TLE1: variants seen among roughly 807,000 people sequenced by gnomAD.
TLE1 encodes the protein transducin-like enhancer protein 1.
TLE1 carries 21 observed loss-of-function variants against 89.8 expected under a neutral mutation model. The observed-to-expected ratio is 0.23, with a 90% confidence interval of 0.17 to 0.34. The LOEUF (loss-of-function observed/expected upper bound fraction) is 0.34, where lower values mean the gene tolerates loss of function less well. Ranked by LOEUF, TLE1 falls within the 10% of genes least tolerant of loss-of-function variation. The pLI is 1.00. For missense variants in TLE1, 795 were observed against 1,031.2 expected (o/e 0.77, Z 3.14); for synonymous variants, 447 against 407.6 (o/e 1.10, Z -1.16).
In TLE1 at chr9:81,583,699, C is replaced by T. The variant is rs997747819; in HGVS notation, c.*499G>A. On this transcript the variant is annotated 3_prime_UTR_variant, in exon 20 of 20. Coordinates refer to ENST00000376499, the MANE Select transcript of TLE1 (RefSeq NM_005077.5). Reference sequence around the variant, plus strand: ...GAAAACCACTTATTGGTACTAAAGCCTTTACTGTAATAAACCAAATATATT... The same window carrying T: ...GAAAACCACTTATTGGTACTAAAGCTTTTACTGTAATAAACCAAATATATT... 1.3e-5 allele frequency: 2 copies of T among 154,994 alleles called. No individual in the cohort carries two copies. Among genetic ancestry groups the T allele is most frequent in the Non-Finnish European group, 2.9e-5 (2 of 69,422 alleles). The allele number at this position is 154,994 out of a possible 1,614,324, so 9.6% of individuals were successfully genotyped here.
intron 4 of TLE1, among the ~76,000 whole-genome samples, chr9:81,661,184 ATTTTTATATATATATGTATT>A (rs1240205330): frequency 1.9e-5 from 2 of 106,808 alleles, no homozygotes; most frequent in Non-Finnish European, 3.6e-5. Flanking sequence ...ATATATATGT[ATTTTTATATATATATGTATT>A]TTTATATATA....
At chr9:81,661,189 T>A (rs1830746643) in intron 4 of TLE1, among the ~76,000 whole-genome samples, 1 of 81,316 alleles carries the variant, frequency 1.2e-5, no homozygotes, top group South Asian at 4.9e-4. Context: ...TATGTATTTT[T>A]ATATATATAT....
At chr9:81,673,768 A>G (rs1384459459) in intron 4 of TLE1, among the ~76,000 whole-genome samples, 1 of 152,164 alleles carries the variant, frequency 6.6e-6, no homozygotes. Flanking sequence ...GATGGGGGCT[A>G]TGACAACTCT....
chr9:81,613,303 CAACATTA>C (rs1163356036), intron 12 of TLE1, 67 bp downstream of exon 12: 13 of 1,572,086 alleles, frequency 8.3e-6, no homozygotes, highest in Non-Finnish European at 1.0e-5. Context: ...AATTGCGTCA[CAACATTA>C]ACAGACAACA....
chr9:81,651,290 G>A, intron 6 of TLE1, among the ~76,000 whole-genome samples: 1 of 152,122 alleles, frequency 6.6e-6, no homozygotes, highest in East Asian at 1.9e-4. Flanking sequence ...TCCTTCTTTG[G>A]CTTAGTGTGG....
rs1038570209 is a variant in TLE1, at chr9:81,622,144, C to A, written c.595-1587G>T. Among the ~76,000 whole-genome samples the A allele has an allele frequency of 9.2e-5, 14 of 152,342 alleles. No homozygotes were observed. In the East Asian group the frequency reaches 2.7e-3, roughly 29 times the overall value. On this transcript the variant is annotated intron_variant, in intron 8 of 19. Transcript: ENST00000376499. Reference sequence around the variant, plus strand: ...AAGTGCTAACACGCCCTCTGAAAAGCTGGGCCGGGGCAGCAGCTGCTTGTT... The same window carrying A: ...AAGTGCTAACACGCCCTCTGAAAAGATGGGCCGGGGCAGCAGCTGCTTGTT...
At chr9:81,644,803 G>A (rs536831404) in intron 6 of TLE1, among the ~76,000 whole-genome samples, 2 of 151,828 alleles carry the variant, frequency 1.3e-5, no homozygotes, top group South Asian at 4.2e-4. Context: ...AGAACAGCCT[G>A]GCCAATATGG....
At chr9:81,615,456 T>A (rs1203763947) in intron 11 of TLE1, among the ~76,000 whole-genome samples, 1 of 150,906 alleles carries the variant, frequency 6.6e-6, no homozygotes, top group Non-Finnish European at 1.5e-5. Context: ...TCCCAACACT[T>A]TGGGAGGCTG....
intron 4 of TLE1, among the ~76,000 whole-genome samples, chr9:81,665,631 C>CTCTTCT (rs1831366439): frequency 6.6e-6 from 1 of 152,188 alleles, no homozygotes; most frequent in East Asian, 1.9e-4. Context: ...CCGGAGAAAG[C>CTCTTCT]TCTCCTATCT....
intron 9 of TLE1, 51 bp from the exon 10 acceptor site, chr9:81,616,750 G>C (rs1467556979): frequency 6.2e-7 from 1 of 1,603,220 alleles, no homozygotes; most frequent in South Asian, 1.1e-5. Flanking sequence ...GAATAGGTTT[G>C]AGGCACAGTT....
At chr9:81,652,189 G>T (rs1395867813) in intron 6 of TLE1, 25 bp downstream of exon 6, 11 of 1,611,546 alleles carry the variant, frequency 6.8e-6, no homozygotes, top group Admixed American at 3.3e-5. Context: ...CACACTGTAG[G>T]AGGTAGACCT....
chr9:81,590,977 T>C lies in TLE1; in HGVS notation c.1657A>G (p.Thr553Ala), dbSNP rs1208741048. Residue 553 changes from threonine (T) to alanine (A), a missense_variant, in exon 16 of 20, where the codon ACT (threonine) becomes GCT (alanine). By Grantham distance (58) the Thr-to-Ala change is moderately conservative. This residue lies in a region of TLE1 where 214 missense variants were observed against 354.9 expected (regional missense o/e 0.60). Transcript: ENST00000376499. ...GCCGCCAGGTCCCAAATGGACAAAG[T>C]ACTGGCTTCCCCTCCCACTATGAGA... ...CTLIVGGEAS[T>A]LSIWDLAAPT... 1.2e-6 allele frequency: 2 copies of C among 1,614,146 alleles called. No homozygotes were observed. The highest frequency in any genetic ancestry group is 1.7e-6 in the Non-Finnish European group (2 of 1,180,056).
At chr9:81,666,201 A>G (rs1831442884) in intron 4 of TLE1, among the ~76,000 whole-genome samples, 1 of 152,044 alleles carries the variant, frequency 6.6e-6, no homozygotes, top group Non-Finnish European at 1.5e-5. Context: ...AGGAAAATGC[A>G]CTCTGTGGTG....
chr9:81,686,823 C>G (rs181033327), intron 2 of TLE1, among the ~76,000 whole-genome samples: 11 of 152,308 alleles, frequency 7.2e-5, no homozygotes. Flanking sequence ...AGCAGGTGAG[C>G]TTTCTTCTTT....
In TLE1 at chr9:81,689,375, G is replaced by C. The variant is rs924379114; in HGVS notation, c.-1135C>G. 7 of 152,392 alleles carry C rather than the reference G, an allele frequency of 4.6e-5. No homozygotes were observed. Among genetic ancestry groups the C allele is most frequent in the African/African-American group, 1.7e-4 (7 of 41,406 alleles). 9.4% of individuals were successfully genotyped at this position (152,392 alleles called of 1,614,324 possible). On this transcript the variant is annotated 5_prime_UTR_variant, in exon 1 of 20. Coordinates refer to ENST00000376499, the MANE Select transcript of TLE1 (RefSeq NM_005077.5). ...GGGTTTTGGTCGCCGCGGGACGACG[G>C]AGGTCCGGGCTGGTGGCGCGGGTCC...
At chr9:81,655,802 G>A (rs1460675068) in intron 4 of TLE1, among the ~76,000 whole-genome samples, 1 of 149,416 alleles carries the variant, frequency 6.7e-6, no homozygotes, top group African/African-American at 2.5e-5. Flanking sequence ...GCGGTGAGCT[G>A]AGATCGCGCC....
At chr9:81,631,827 G>T (rs910587587) in intron 8 of TLE1, among the ~76,000 whole-genome samples, 3 of 152,240 alleles carry the variant, frequency 2.0e-5, no homozygotes, top group African/African-American at 7.2e-5. Flanking sequence ...ATCTCACCGG[G>T]CATGGTGGCT....
chr9:81,638,908 C>T lies in TLE1; in HGVS notation c.373-4607G>A, dbSNP rs1331205270. Among the ~76,000 whole-genome samples, 9 of 151,198 alleles carry T rather than the reference C, an allele frequency of 6.0e-5. No homozygotes were observed. The East Asian group carries it at 9.9e-4, about 17-fold the overall frequency. ...CCAAAGTGCTGAGATTACAAGCGTGCGCCACCACACCAGCCGATACATGCA... is the reference window on the plus strand; with the variant it reads ...CCAAAGTGCTGAGATTACAAGCGTGTGCCACCACACCAGCCGATACATGCA... On this transcript the variant is annotated intron_variant, in intron 6 of 19. Coordinates refer to ENST00000376499, the MANE Select transcript of TLE1 (RefSeq NM_005077.5).
intron 16 of TLE1, among the ~76,000 whole-genome samples, 187 bp downstream of exon 16, chr9:81,590,618 T>C (rs1231353123): frequency 6.6e-6 from 1 of 152,236 alleles, no homozygotes; most frequent in East Asian, 1.9e-4. Context: ...ACACCAGGCA[T>C]AGTAATAAGA....
Sources: gnomAD v4.1 joint callset for allele counts (sites outside exome capture counted in the v4.1 genomes callset) on GRCh38, gnomAD v4.1.1 for gene constraint, gnomAD v4.1.1 regional missense constraint, MANE v1.5 for transcripts, NCBI Gene and HGNC (gene_info 2026-07-23, HGNC 2026-07-21) for gene names.